The following HTR3D variants were observed in gnomAD, a reference collection of about 807,000 sequenced individuals.
HTR3D encodes 5-hydroxytryptamine (serotonin) receptor 3 family member D.
HTR3D carries 47 observed loss-of-function variants against 45.8 expected under a neutral mutation model. That is an observed-to-expected ratio of 1.03 (90% CI 0.81 to 1.31). HTR3D has a LOEUF of 1.31. Ranked by LOEUF, HTR3D falls within the 50% of genes most tolerant of loss-of-function variation. The pLI is 0.00. For missense variants in HTR3D, 448 were observed against 506.9 expected (o/e 0.88, Z 1.12); for synonymous variants, 203 against 199.8 (o/e 1.02, Z -0.13).
chr3:184,033,346 A>G (rs1445506213), intron 1 of HTR3D, among the ~76,000 whole-genome samples: 1 of 151,740 alleles, frequency 6.6e-6, no homozygotes, highest in Non-Finnish European at 1.5e-5. Context: ...CAGGTGATCC[A>G]CCTGCCTTGG....
In HTR3D at chr3:184,038,827, G is replaced by A. The variant is rs768670570; in HGVS notation, c.1067G>A (p.Arg356Lys). The change falls in exon 8 of 8, where the codon AGG (arginine) becomes AAG (lysine). Residue 356 changes from arginine to lysine, a missense_variant. Coordinates refer to ENST00000428798, the MANE Select transcript of HTR3D (RefSeq NM_001145143.1). This position sits in a 1 kb window ranked among gnomAD's most constrained non-coding sequence, Gnocchi z 4.5. ...CTGACAGGGGGCTCAGAATGGACAAGGGCCCAGCGGGAACACGAGGCCCAG... is the reference window on the plus strand; with the variant it reads ...CTGACAGGGGGCTCAGAATGGACAAAGGCCCAGCGGGAACACGAGGCCCAG... ...AELTGGSEWT[R>K]AQREHEAQKQ... 4 of 1,614,036 alleles carry A rather than the reference G, an allele frequency of 2.5e-6. No individual in the cohort carries two copies. In the African/African-American group the frequency reaches 4.0e-5, roughly 16 times the overall value.
Position 184,038,955 on chromosome 3 carries a change from A to G in HTR3D, c.1195A>G (p.Ile399Val). 1.2e-6 allele frequency: 2 copies of G among 1,614,158 alleles called. No homozygotes were observed. The highest frequency in any genetic ancestry group is 1.7e-6 in the Non-Finnish European group (2 of 1,180,016). The change falls in exon 8 of 8, where the codon ATA (isoleucine) becomes GTA (valine). Residue 399 changes from isoleucine (I) to valine (V), a missense_variant. Physicochemically the swap from Ile to Val is conservative, Grantham distance 29. Coordinates refer to ENST00000428798, the MANE Select transcript of HTR3D (RefSeq NM_001145143.1). The surrounding 1 kb of genome is among the most constrained non-coding windows in gnomAD (Gnocchi z 4.5). Reference sequence around the variant, plus strand: ...CATGGCCTCCTCCATCATCACCGTCATATGCCTCTGGAACACCTAGGCAGG... The same window carrying G: ...CATGGCCTCCTCCATCATCACCGTCGTATGCCTCTGGAACACCTAGGCAGG... ...LFMASSIITV[I>V]CLWNT
Position 184,039,204 on chromosome 3 carries a change from C to T in HTR3D, c.*229C>T. ...CAGCCCTCCCATACCTCCCTGGCTC[C>T]TCAGGATTCAGGTTCCTAGGGTACG... On this transcript the variant is annotated 3_prime_UTR_variant, in exon 8 of 8. Transcript: ENST00000428798. 1.9e-6 allele frequency: 1 copy of T among 528,050 alleles called. No homozygotes were observed. 32.7% of individuals were successfully genotyped at this position (528,050 alleles called of 1,614,324 possible).
chr3:184,032,190 C>T (rs1233863274), intron 1 of HTR3D, among the ~76,000 whole-genome samples: 2 of 152,090 alleles, frequency 1.3e-5, no homozygotes, highest in African/African-American at 4.8e-5. Context: ...GATGGGGTTT[C>T]ACCATGTTGG....
In HTR3D at chr3:184,038,876, G is replaced by A. The variant is rs758348535; in HGVS notation, c.1116G>A (p.Trp372Ter). Residue 372 changes from tryptophan to a stop codon, truncating the protein, a stop_gained, in exon 8 of 8, where the codon TGG (tryptophan) becomes TGA (stop). Coordinates refer to ENST00000428798, the MANE Select transcript of HTR3D (RefSeq NM_001145143.1). LOFTEE classifies it high-confidence loss of function. The surrounding 1 kb of genome is among the most constrained non-coding windows in gnomAD (Gnocchi z 4.5). ...AGAAGCAGCACTCGGTGGAGCTGTG[G>A]GTGCAGTTCAGCCACGCGATGGACG... ...EAQKQHSVEL[W>*]VQFSHAMDAL... The A allele has an allele frequency of 2.5e-6, 4 of 1,614,116 alleles. No homozygotes were observed. In the Admixed American group the frequency reaches 5.0e-5, roughly 20 times the overall value.
intron 1 of HTR3D, among the ~76,000 whole-genome samples, chr3:184,033,699 G>A (rs751680847): frequency 3.1e-4 from 47 of 151,952 alleles, no homozygotes; most frequent in Admixed American, 2.8e-3. Context: ...GGTAGATCAC[G>A]TGAGGTCAGG....
At chr3:184,034,547 T>A (rs4348039) in intron 1 of HTR3D, among the ~76,000 whole-genome samples, 85,400 of 151,958 alleles carry the variant, frequency 0.56, 24,638 homozygotes, top group African/African-American at 0.69. Flanking sequence ...CACGGAACTG[T>A]ACACTTAAAA....
chr3:184,037,659 G>C (rs527776766), intron 5 of HTR3D, among the ~76,000 whole-genome samples: 1 of 152,286 alleles, frequency 6.6e-6, no homozygotes, highest in East Asian at 1.9e-4. Context: ...CCCCTGCAAA[G>C]TCACTAGAGA....
chr3:184,032,621 G>C (rs1412459719), intron 1 of HTR3D, among the ~76,000 whole-genome samples: 2 of 152,176 alleles, frequency 1.3e-5, no homozygotes, highest in African/African-American at 4.8e-5. Context: ...TTAAGGACAT[G>C]GCAGGACACT....
At chr3:184,032,315 C>G (rs542777343) in intron 1 of HTR3D, among the ~76,000 whole-genome samples, 23 of 152,210 alleles carry the variant, frequency 1.5e-4, no homozygotes, top group African/African-American at 4.8e-4. Context: ...TAAGATAATC[C>G]TAGTGATGAA....
chr3:184,032,340 A>G (rs1289356004), intron 1 of HTR3D, among the ~76,000 whole-genome samples: 3 of 152,258 alleles, frequency 2.0e-5, no homozygotes, highest in African/African-American at 7.2e-5. Context: ...ACTAAATGTT[A>G]GAACAATCAC....
chr3:184,036,838 A>C lies in HTR3D; in HGVS notation c.458A>C (p.Gln153Pro). ...AGGGAGTGGGTACTGCTGGGTATCC[A>C]AAAAAGAACAATAAAGGTGACCGTG... ...TRREWVLLGI[Q>P]KRTIKVTVAT... is the part of the protein sequence containing the mutation. Residue 153 changes from glutamine (Q) to proline (P), a missense_variant, in exon 5 of 8, where the codon CAA becomes CCA. Coordinates refer to ENST00000428798, the MANE Select transcript of HTR3D (RefSeq NM_001145143.1). 6.4e-7 allele frequency: 1 copy of C among 1,551,680 alleles called. No individual in the cohort carries two copies. Among genetic ancestry groups the C allele is most frequent in the Middle Eastern group, 1.7e-4 (1 of 5,992 alleles).
At chr3:184,037,176 A>G (rs1028385827) in intron 5 of HTR3D, among the ~76,000 whole-genome samples, 1 of 151,736 alleles carries the variant, frequency 6.6e-6, no homozygotes, top group Non-Finnish European at 1.5e-5. Flanking sequence ...AGTAGCTGGG[A>G]TTACAAGGGC....
intron 1 of HTR3D, chr3:184,032,769 C>G: frequency 8.1e-7 from 1 of 1,231,764 alleles, no homozygotes; most frequent in Non-Finnish European, 1.2e-6. Context: ...GCTCAGCCTA[C>G]TCTTCCTGGA....
chr3:184,036,341 C>T, intron 3 of HTR3D, 34 bp from the exon 4 acceptor site: 2 of 1,609,850 alleles, frequency 1.2e-6, no homozygotes, highest in Non-Finnish European at 1.7e-6. Context: ...ACCCACAGCA[C>T]CTACCTCCCT....
intron 1 of HTR3D, among the ~76,000 whole-genome samples, chr3:184,033,861 C>T (rs922820789): frequency 1.3e-5 from 2 of 152,100 alleles, no homozygotes; most frequent in African/African-American, 4.8e-5. Flanking sequence ...AGGTTGCAGA[C>T]AGCCAAGATT....
chr3:184,032,896 A>G (rs1722788618), intron 1 of HTR3D: 6 of 1,552,146 alleles, frequency 3.9e-6, no homozygotes, highest in Non-Finnish European at 5.2e-6. Flanking sequence ...TCACTACAGG[A>G]AATGGCGACA....
At position 184,038,355 on chromosome 3, in the gene HTR3D, A is replaced by G; in HGVS notation, c.770-54A>G. ...TGGAAAAAGATCCTCTGGGAAAGAA[A>G]CAAGAAATTCTAGGTGGCGCCTCTG... On this transcript the variant is annotated intron_variant, in intron 6 of 7. Transcript: ENST00000428798. This position sits in a 1 kb window ranked among gnomAD's most constrained non-coding sequence, Gnocchi z 4.5. The G allele has an allele frequency of 6.2e-7, 1 of 1,612,792 alleles. No individual in the cohort carries two copies. Among genetic ancestry groups the G allele is most frequent in the Non-Finnish European group, 8.5e-7 (1 of 1,178,892 alleles).
chr3:184,035,620 A>C (rs985025414), intron 2 of HTR3D, among the ~76,000 whole-genome samples: 1 of 152,172 alleles, frequency 6.6e-6, no homozygotes, highest in Non-Finnish European at 1.5e-5. Context: ...AGACAGAGCA[A>C]AACTAAAACT....
Sources: gnomAD v4.1 joint callset for allele counts (sites outside exome capture counted in the v4.1 genomes callset) on GRCh38, gnomAD v4.1.1 for gene constraint, Gnocchi (gnomAD v3.1) non-coding constraint, MANE v1.5 for transcripts, NCBI Gene and HGNC (gene_info 2026-07-23, HGNC 2026-07-21) for gene names.